Variants in DACH2 observed in about 807,000 individuals in gnomAD.
DACH2 encodes dachshund homolog 2.
In DACH2, 17 loss-of-function variants were observed where a neutral mutation model predicts 35.8. That is an observed-to-expected ratio of 0.48 (90% CI 0.33 to 0.71). The LOEUF (loss-of-function observed/expected upper bound fraction) is 0.71. Among genes scored for constraint, DACH2 ranks in the 30% least tolerant of loss-of-function variants. DACH2 has a pLI of 0.02. For synonymous variants in DACH2, 195 were observed against 177.3 expected (o/e 1.10, Z -0.79); for missense variants, 469 against 472.7 (o/e 0.99, Z 0.07).
intron 1 of DACH2, among the ~76,000 whole-genome samples, chrX:86,282,459 A>G (rs959571066): frequency 2.7e-5 from 3 of 111,608 alleles, no homozygotes; most frequent in Non-Finnish European, 5.6e-5. Context: ...TATACAGAAA[A>G]AGGAAACTGG....
At chrX:86,349,905 C>T (rs1169703513) in intron 1 of DACH2, among the ~76,000 whole-genome samples, 2 of 111,955 alleles carry the variant, frequency 1.8e-5, no homozygotes, top group Non-Finnish European at 3.8e-5. Flanking sequence ...GTGGCTCACG[C>T]CTGTAATCCC....
intron 1 of DACH2, among the ~76,000 whole-genome samples, chrX:86,346,345 T>G (rs2035496765): frequency 9.1e-6 from 1 of 109,628 alleles, no homozygotes; most frequent in Non-Finnish European, 1.9e-5. Flanking sequence ...GCACTACTGA[T>G]ACCTACAGCA....
chrX:86,572,394 T>A (rs2039382618), intron 3 of DACH2, among the ~76,000 whole-genome samples: 1 of 111,976 alleles, frequency 8.9e-6, no homozygotes, highest in South Asian at 3.7e-4. Flanking sequence ...TGATGTTGTA[T>A]ACTATGAGCT....
intron 11 of DACH2, among the ~76,000 whole-genome samples, chrX:86,822,038 T>C (rs2042517926): frequency 9.0e-6 from 1 of 111,582 alleles, no homozygotes; most frequent in African/African-American, 3.3e-5. Context: ...TGTTTATATA[T>C]ACAATACAAT....
chrX:86,510,743 T>A (rs1280869869), intron 2 of DACH2, among the ~76,000 whole-genome samples: 5 of 111,879 alleles, frequency 4.5e-5, no homozygotes, highest in African/African-American at 1.6e-4. Flanking sequence ...GTTGTTTGCC[T>A]TGTACCATAA....
intron 7 of DACH2, among the ~76,000 whole-genome samples, chrX:86,768,172 T>C (rs5967758): frequency 0.066 from 7,322 of 111,091 alleles, 568 homozygotes; most frequent in African/African-American, 0.23. Flanking sequence ...ATTTGCAGGA[T>C]AGATTAGAAG....
chrX:86,295,197 AC>A (rs1167064516), intron 1 of DACH2, among the ~76,000 whole-genome samples: 1 of 98,684 alleles, frequency 1.0e-5, no homozygotes, highest in East Asian at 3.3e-4. Flanking sequence ...GCCGTCTGTC[AC>A]CCCTTTCTTT....
At chrX:86,328,423 G>A (rs2035153319) in intron 1 of DACH2, among the ~76,000 whole-genome samples, 1 of 111,669 alleles carries the variant, frequency 9.0e-6, no homozygotes, top group African/African-American at 3.2e-5. Flanking sequence ...ATAAGGAAAA[G>A]TACTCAAAAT....
At chrX:86,457,338 T>C (rs1343730524) in intron 2 of DACH2, among the ~76,000 whole-genome samples, 1 of 111,821 alleles carries the variant, frequency 8.9e-6, no homozygotes, top group Non-Finnish European at 1.9e-5. Flanking sequence ...CAAGAGAAAG[T>C]AAAATGAGGT....
chrX:86,597,145 G>A (rs2039723258), intron 3 of DACH2, among the ~76,000 whole-genome samples: 1 of 111,664 alleles, frequency 9.0e-6, no homozygotes, highest in Non-Finnish European at 1.9e-5. Context: ...TGAATTATAT[G>A]TTTGGGTTTC....
intron 1 of DACH2, among the ~76,000 whole-genome samples, chrX:86,162,519 G>A (rs1021527622): frequency 1.8e-5 from 2 of 110,998 alleles, no homozygotes; most frequent in African/African-American, 3.3e-5. Context: ...CCTTTTAATT[G>A]TCTTCATTTT....
intron 2 of DACH2, among the ~76,000 whole-genome samples, chrX:86,390,603 C>T (rs934470662): frequency 9.1e-6 from 1 of 110,070 alleles, no homozygotes; most frequent in Non-Finnish European, 1.9e-5. Context: ...ATTATTTTTT[C>T]TTTTTTGAGA....
At chrX:86,187,518 A>G (rs760084215) in intron 1 of DACH2, among the ~76,000 whole-genome samples, 1 of 108,252 alleles carries the variant, frequency 9.2e-6, no homozygotes, top group Non-Finnish European at 1.9e-5. Context: ...CCCAGATTCA[A>G]GTGATCCTCG....
chrX:86,586,204 A>G (rs969060032), intron 3 of DACH2, among the ~76,000 whole-genome samples: 5 of 111,351 alleles, frequency 4.5e-5, no homozygotes, highest in African/African-American at 1.6e-4. Context: ...GGCCACACCT[A>G]TGTCTTCTTT....
Position 86,514,337 on chromosome X carries a change from C to G in DACH2, c.586C>G (p.Leu196Val). 8.3e-7 allele frequency: 1 copy of G among 1,211,517 alleles called. No individual in the cohort carries two copies. Among genetic ancestry groups the G allele is most frequent in the Non-Finnish European group, 1.1e-6 (1 of 895,441 alleles). Reference sequence around the variant, plus strand: ...GGGAGTGTTGCAGGAAAATGCCCGCCTTCTGACCCATGCAGTCCCAGGCCT... The same window carrying G: ...GGGAGTGTTGCAGGAAAATGCCCGCGTTCTGACCCATGCAGTCCCAGGCCT... Reference protein sequence around the residue: ...SLGVLQENARLLTHAVPGLLS... With the variant: ...SLGVLQENARVLTHAVPGLLS... Residue 196 changes from leucine to valine, a missense_variant, in exon 3 of 12, where the codon CTT (leucine) becomes GTT (valine). Leu to Val is a conservative substitution (Grantham distance 32, BLOSUM62 1). This residue lies in a region of DACH2 where 363 missense variants were observed against 334.4 expected (regional missense o/e 1.09). Transcript: ENST00000373125.
chrX:86,492,678 T>A (rs2038110468), intron 2 of DACH2, among the ~76,000 whole-genome samples: 1 of 111,768 alleles, frequency 8.9e-6, no homozygotes, highest in Non-Finnish European at 1.9e-5. Flanking sequence ...TATTTAGCTC[T>A]CACTTATAAG....
At chrX:86,478,261 C>T (rs1485534048) in intron 2 of DACH2, among the ~76,000 whole-genome samples, 1 of 111,979 alleles carries the variant, frequency 8.9e-6, no homozygotes, top group Non-Finnish European at 1.9e-5. Context: ...GATGAAAGTA[C>T]TCTTTTGCAT....
At chrX:86,756,785 T>C (rs1367152472) in intron 7 of DACH2, among the ~76,000 whole-genome samples, 5 of 111,614 alleles carry the variant, frequency 4.5e-5, no homozygotes, top group Admixed American at 9.5e-5. Flanking sequence ...ATAGACATGC[T>C]GAAAGTGGGC....
chrX:86,504,331 T>C (rs1257177392), intron 2 of DACH2, among the ~76,000 whole-genome samples: 1 of 111,078 alleles, frequency 9.0e-6, no homozygotes, highest in African/African-American at 3.3e-5. Flanking sequence ...CTGGAAACTA[T>C]AATTTAGAAA....
Sources: allele counts gnomAD v4.1 joint callset (sites outside exome capture counted in the v4.1 genomes callset), GRCh38; gene constraint gnomAD v4.1.1; regional missense constraint gnomAD v4.1.1; transcripts MANE v1.5; gene names NCBI Gene and HGNC (gene_info 2026-07-23, HGNC 2026-07-21).